PTGR2: variants seen among roughly 807,000 people sequenced by gnomAD.
PTGR2 encodes prostaglandin reductase 2.
Under a neutral mutation model 43.4 loss-of-function variants are expected in PTGR2, and 32 were observed. The ratio of observed to expected loss-of-function variants is 0.74; its 90% CI spans 0.56 to 0.99. The LOEUF is 0.99. Ranked by LOEUF, PTGR2 falls within the 50% of genes least tolerant of loss-of-function variation. PTGR2 has a pLI of 0.00. For synonymous variants in PTGR2, 106 were observed against 139.2 expected, an observed-to-expected ratio of 0.76 and a Z score of 1.68; for missense variants, 373 against 420.0, an observed-to-expected ratio of 0.89 and a Z score of 0.98.
Position 73,872,015 on chromosome 14 carries a change from C to T in PTGR2, c.157-2008C>T, listed in dbSNP as rs78749019. 1.0e-3 allele frequency among the ~76,000 whole-genome samples: 157 copies of T among 152,236 alleles called. 2 individuals carry two copies. The East Asian group carries it at 0.028, about 27-fold the overall frequency. ...TTTTACCCGTTTTACCTGGGTACAC[C>T]GAACCACATGGGACCCCTTAATCAG... On this transcript the variant is annotated intron_variant, in intron 3 of 9. Coordinates refer to ENST00000555661, the MANE Select transcript of PTGR2 (RefSeq NM_001146154.2).
chr14:73,865,333 A>AAG (rs1215046037), intron 3 of PTGR2, among the ~76,000 whole-genome samples: 2 of 152,128 alleles, frequency 1.3e-5, no homozygotes, highest in Non-Finnish European at 2.9e-5. Flanking sequence ...AGGGCAGGAG[A>AAG]AGAAGGGTGT....
At chr14:73,866,950 G>A (rs1274570043) in intron 3 of PTGR2, among the ~76,000 whole-genome samples, 1 of 151,906 alleles carries the variant, frequency 6.6e-6, no homozygotes, top group African/African-American at 2.4e-5. Flanking sequence ...TTAGCCGGGT[G>A]TGGTGGCAGG....
chr14:73,883,226 G>T (rs34432840), intron 9 of PTGR2, among the ~76,000 whole-genome samples: 1 of 60,738 alleles, frequency 1.6e-5, no homozygotes, highest in Non-Finnish European at 2.8e-5. Context: ...TTTTTAAAGA[G>T]ATGATCTTGC....
At chr14:73,880,343 C>T (rs1197800037) in intron 7 of PTGR2, 167 bp downstream of exon 7, 5 of 704,174 alleles carry the variant, frequency 7.1e-6, no homozygotes, top group African/African-American at 1.8e-5. Context: ...GATGCCGAGA[C>T]GGGTGGATTG....
Position 73,875,820 on chromosome 14 carries a change from C to CT in PTGR2, c.349-1159dup, listed in dbSNP as rs953891690. 6.5e-3 allele frequency among the ~76,000 whole-genome samples: 609 copies of CT among 94,378 alleles called. 8 individuals carry two copies. The highest frequency in any genetic ancestry group is 6.9e-3 in the South Asian group (18 of 2,614). The allele number at this position is 94,378 out of a possible 152,430, so 61.9% of individuals were successfully genotyped here. ...TACATGGGAAATTTTTTAAAAGTTT[C>CT]TTTTTTTTTTTTTTTTTTTGAGATG... On this transcript the variant is annotated intron_variant, in intron 4 of 9. Coordinates refer to ENST00000555661, the MANE Select transcript of PTGR2 (RefSeq NM_001146154.2).
chr14:73,856,677 G>C (rs11628412), intron 1 of PTGR2, among the ~76,000 whole-genome samples: 74,054 of 151,658 alleles, frequency 0.49, 18,240 homozygotes, highest in South Asian at 0.61. Context: ...GGTTTGTACC[G>C]TAGAAGTTAT....
intron 9 of PTGR2, among the ~76,000 whole-genome samples, chr14:73,883,188 CTTTTTTTTTTTT>C (rs58234739): frequency 0.027 from 1,591 of 58,198 alleles, 83 homozygotes; most frequent in African/African-American, 0.095. Flanking sequence ...CCTCACCTCC[CTTTTTTTTTTTT>C]TTTTTTTTTT....
At chr14:73,883,188 CTTTTTTTTTTTTTTTTTTTT>C (rs58234739) in intron 9 of PTGR2, among the ~76,000 whole-genome samples, 1 of 58,120 alleles carries the variant, frequency 1.7e-5, no homozygotes, top group African/African-American at 8.0e-5. Flanking sequence ...CCTCACCTCC[CTTTTTTTTTTTTTTTTTTTT>C]TTTTTTTTTT....
intron 1 of PTGR2, among the ~76,000 whole-genome samples, chr14:73,853,353 G>T (rs987422330): frequency 6.7e-6 from 1 of 149,306 alleles, no homozygotes; most frequent in Admixed American, 6.7e-5. Flanking sequence ...ATGGAGTTTC[G>T]CTCTTGTCGC....
chr14:73,863,088 T>C (rs553281304), intron 3 of PTGR2, among the ~76,000 whole-genome samples: 9 of 152,264 alleles, frequency 5.9e-5, no homozygotes, highest in Non-Finnish European at 1.0e-4. Flanking sequence ...ACTAAATTAT[T>C]TTTAGTATAT....
chr14:73,883,774 C>T (rs1428995010), intron 9 of PTGR2, among the ~76,000 whole-genome samples: 1 of 152,164 alleles, frequency 6.6e-6, no homozygotes, highest in African/African-American at 2.4e-5. Flanking sequence ...TCGTGAGGCC[C>T]CATGCCCGGC....
At chr14:73,865,206 G>C (rs1373504730) in intron 3 of PTGR2, among the ~76,000 whole-genome samples, 1 of 152,148 alleles carries the variant, frequency 6.6e-6, no homozygotes, top group Non-Finnish European at 1.5e-5. Flanking sequence ...AAGCTGGAAG[G>C]CCCGACAACC....
chr14:73,863,619 CTTT>C (rs1263397731), intron 3 of PTGR2, among the ~76,000 whole-genome samples: 1 of 142,790 alleles, frequency 7.0e-6, no homozygotes, highest in African/African-American at 2.6e-5. Flanking sequence ...TTCAGGCTCT[CTTT>C]TTTTTTTTTT....
In PTGR2 at chr14:73,860,669, G is replaced by T; in HGVS notation, c.156+12G>T. On this transcript the variant is annotated intron_variant, in intron 3 of 9. Coordinates refer to ENST00000555661, the MANE Select transcript of PTGR2 (RefSeq NM_001146154.2). ...TGGATCCTTACATGGTAAGAATCAGGATGTTGTAACTTGGTGAAAAATAAC... is the reference window on the plus strand; with the variant it reads ...TGGATCCTTACATGGTAAGAATCAGTATGTTGTAACTTGGTGAAAAATAAC... 8.4e-7 allele frequency: 1 copy of T among 1,188,846 alleles called. No individual in the cohort carries two copies. Among genetic ancestry groups the T allele is most frequent in the South Asian group, 1.3e-5 (1 of 75,116 alleles). 73.6% of individuals were successfully genotyped at this position (1,188,846 alleles called of 1,614,324 possible). A position where few individuals can be genotyped will look rare whatever the true frequency, so the allele number is the denominator to read the frequency against.
chr14:73,853,665 T>C (rs760080923), intron 1 of PTGR2, among the ~76,000 whole-genome samples: 28 of 152,052 alleles, frequency 1.8e-4, no homozygotes, highest in Admixed American at 1.4e-3. Context: ...ATTACCAACC[T>C]CACAGTTTTT....
intron 3 of PTGR2, among the ~76,000 whole-genome samples, chr14:73,863,745 G>T (rs977050100): frequency 6.6e-6 from 1 of 151,742 alleles, no homozygotes; most frequent in African/African-American, 2.4e-5. Context: ...CTCCCGAGTA[G>T]CTGGGATTAA....
At chr14:73,852,887 T>A (rs1417969002) in intron 1 of PTGR2, among the ~76,000 whole-genome samples, 1 of 151,832 alleles carries the variant, frequency 6.6e-6, no homozygotes, top group East Asian at 1.9e-4. Context: ...GTGTCCTGGC[T>A]GGATCTCGGC....
intron 3 of PTGR2, among the ~76,000 whole-genome samples, chr14:73,867,590 C>T (rs529596844): frequency 2.2e-4 from 34 of 152,242 alleles, no homozygotes; most frequent in African/African-American, 8.2e-4. Flanking sequence ...TTCGAACACT[C>T]CCAACTTCAA....
chr14:73,868,426 G>C (rs183998098), intron 3 of PTGR2, among the ~76,000 whole-genome samples: 3 of 152,078 alleles, frequency 2.0e-5, no homozygotes, highest in Admixed American at 1.3e-4. Flanking sequence ...CTTAATCTTT[G>C]TATGAATCAT....
Sources: allele counts gnomAD v4.1 joint callset (sites outside exome capture counted in the v4.1 genomes callset), GRCh38; gene constraint gnomAD v4.1.1; transcripts MANE v1.5; gene names NCBI Gene and HGNC (gene_info 2026-07-23, HGNC 2026-07-21).